Variants in MPZL1 observed in about 807,000 individuals in gnomAD.
MPZL1 encodes the protein myelin protein zero-like protein 1.
A neutral mutation model predicts 29.3 loss-of-function variants in MPZL1; 16 were observed. The ratio of observed to expected loss-of-function variants is 0.55; its 90% CI spans 0.37 to 0.83. The LOEUF (loss-of-function observed/expected upper bound fraction) is 0.83, where lower values mean the gene tolerates loss of function less well. MPZL1 is among the 40% of genes least tolerant of loss of function. The pLI is 0.00. For synonymous variants in MPZL1, 143 were observed against 132.0 expected (o/e 1.08, Z -0.57); for missense variants, 279 against 332.9 (o/e 0.84, Z 1.26).
intron 1 of MPZL1, among the ~76,000 whole-genome samples, chr1:167,748,579 C>T (rs1394374580): frequency 2.0e-5 from 3 of 152,086 alleles, no homozygotes; most frequent in Non-Finnish European, 2.9e-5. Context: ...TGGATGTCTT[C>T]TTGCTTTCTT....
chr1:167,727,440 C>CT (rs1558105997), intron 1 of MPZL1, among the ~76,000 whole-genome samples: 1 of 152,150 alleles, frequency 6.6e-6, no homozygotes, highest in Non-Finnish European at 1.5e-5. Flanking sequence ...ATCTTGCTCT[C>CT]TAAGACCACA....
At chr1:167,781,098 A>G (rs187380844) in intron 5 of MPZL1, among the ~76,000 whole-genome samples, 1 of 152,276 alleles carries the variant, frequency 6.6e-6, no homozygotes, top group Non-Finnish European at 1.5e-5. Flanking sequence ...AGAGCTTGAA[A>G]GTAAGTGAAG....
chr1:167,773,381 GT>G lies in MPZL1; in HGVS notation c.605+20del. On this transcript the variant is annotated intron_variant, in intron 4 of 5. Coordinates refer to ENST00000359523, the MANE Select transcript of MPZL1 (RefSeq NM_003953.6). Reference sequence around the variant, plus strand: ...GGGATTACACTGGGTAAGAAACACTGTTTTTTTAGGGCAGGGGTGGAGGGAG... The same window carrying G: ...GGGATTACACTGGGTAAGAAACACTGTTTTTTAGGGCAGGGGTGGAGGGAG... The G allele has an allele frequency of 2.5e-6, 4 of 1,608,002 alleles. No homozygotes were observed. Among genetic ancestry groups the G allele is most frequent in the East Asian group, 2.2e-5 (1 of 44,672 alleles).
Position 167,722,132 on chromosome 1 carries a change from G to A in MPZL1, c.-20G>A. On this transcript the variant is annotated 5_prime_UTR_variant, in exon 1 of 6. Transcript: ENST00000359523. The stretch of plus-strand genomic sequence containing the variant: ...GCTCAGGGACGCGGCGGCGGCGGCG[G>A]CGACTGCAGTGGCTGGACGATGGCA... The A allele has an allele frequency of 8.1e-7, 1 of 1,234,842 alleles. No individual in the cohort carries two copies. 76.5% of individuals were successfully genotyped at this position (1,234,842 alleles called of 1,614,324 possible). A position where few individuals can be genotyped will look rare whatever the true frequency, so the allele number is the denominator to read the frequency against.
rs769919304 is a variant in MPZL1 at position 167,791,680 on chromosome 1, G to C, written c.*3759G>C. The C allele has an allele frequency of 1.3e-5, 2 of 152,218 alleles. No individual in the cohort carries two copies. The highest frequency in any genetic ancestry group is 2.9e-5 in the Non-Finnish European group (2 of 68,046). 9.4% of individuals were successfully genotyped at this position (152,218 alleles called of 1,614,324 possible). A position where few individuals can be genotyped will look rare whatever the true frequency, so the allele number is the denominator to read the frequency against. ...TGCCCTGTGGCCTCTCACACCAAAA[G>C]GAAGTACCAAACTGCTTCCTTACTC... On this transcript the variant is annotated 3_prime_UTR_variant, in exon 6 of 6. Coordinates refer to ENST00000359523, the MANE Select transcript of MPZL1 (RefSeq NM_003953.6).
chr1:167,722,211 G>T lies in MPZL1; in HGVS notation c.60G>T (p.Leu20=). ...VIAAPDSRRW[L]WSVLAAALGL... ...CAGCCCCAGACAGCCGGCGCTGGCT[G>T]TGGTCGGTGCTGGCGGCGGCGCTTG... Residue 20 remains leucine (L), a synonymous_variant, in exon 1 of 6, where the codon CTG becomes CTT. Transcript: ENST00000359523. 40 of 1,239,506 alleles carry T rather than the reference G, an allele frequency of 3.2e-5. No homozygotes were observed. The highest frequency in any genetic ancestry group is 4.0e-5 in the Non-Finnish European group (40 of 987,978). The allele number at this position is 1,239,506 out of a possible 1,614,324, so 76.8% of individuals were successfully genotyped here. A position where few individuals can be genotyped will look rare whatever the true frequency, so the allele number is the denominator to read the frequency against.
In MPZL1 at chr1:167,787,853, G is replaced by A. The variant is rs528200726; in HGVS notation, c.742G>A (p.Gly248Ser). ...CATATATGCACAGTTAGACCACTCCGGCGGACATCACAGTGACAAGATTAA... is the reference window on the plus strand; with the variant it reads ...CATATATGCACAGTTAGACCACTCCAGCGGACATCACAGTGACAAGATTAA... ...PVIYAQLDHSGGHHSDKINKS... is the reference protein window; with the variant it reads ...PVIYAQLDHSSGHHSDKINKS... Residue 248 changes from glycine (G) to serine (S), a missense_variant, in exon 6 of 6, where the codon GGC becomes AGC. Physicochemically the swap from Gly to Ser is moderately conservative, Grantham distance 56 (BLOSUM62 0). Transcript: ENST00000359523. 2.2e-5 allele frequency: 36 copies of A among 1,613,904 alleles called. No individual in the cohort carries two copies. The East Asian group carries it at 2.7e-4, about 12-fold the overall frequency.
chr1:167,783,319 T>G (rs1661530711), intron 5 of MPZL1, among the ~76,000 whole-genome samples: 1 of 152,206 alleles, frequency 6.6e-6, no homozygotes, highest in Non-Finnish European at 1.5e-5. Context: ...GTTAAGGCAC[T>G]GTGGAAAAAA....
intron 5 of MPZL1, among the ~76,000 whole-genome samples, chr1:167,777,082 G>A (rs1031501733): frequency 2.0e-5 from 3 of 152,190 alleles, no homozygotes; most frequent in African/African-American, 7.2e-5. Context: ...CTCTACCACA[G>A]CATCAGGCTC....
At chr1:167,736,490 T>G (rs1397390272) in intron 1 of MPZL1, among the ~76,000 whole-genome samples, 3 of 152,106 alleles carry the variant, frequency 2.0e-5, no homozygotes, top group African/African-American at 7.2e-5. Flanking sequence ...ATATCTCTCC[T>G]CCTCAAACTG....
At chr1:167,731,992 G>A (rs895276769) in intron 1 of MPZL1, among the ~76,000 whole-genome samples, 2 of 152,160 alleles carry the variant, frequency 1.3e-5, no homozygotes, top group Non-Finnish European at 2.9e-5. Flanking sequence ...TCAACCTGAA[G>A]TAGTAAGATA....
chr1:167,722,317 C>G (rs1660048648), intron 1 of MPZL1, 75 bp downstream of exon 1: 1 of 1,229,796 alleles, frequency 8.1e-7, no homozygotes, highest in Non-Finnish European at 1.0e-6. Context: ...TCGCGGCGGT[C>G]GCAGGCCAGG....
At chr1:167,739,006 A>G (rs12128740) in intron 1 of MPZL1, among the ~76,000 whole-genome samples, 24,381 of 151,742 alleles carry the variant, frequency 0.16, 2,064 homozygotes, top group East Asian at 0.2. Context: ...ACAGTGGCTC[A>G]ATCTTGGCTC....
intron 1 of MPZL1, among the ~76,000 whole-genome samples, chr1:167,751,095 G>A (rs1291471375): frequency 2.6e-5 from 4 of 152,236 alleles, no homozygotes; most frequent in African/African-American, 9.6e-5. Context: ...TTGATCCTTG[G>A]TTAAGGTGTT....
In MPZL1 at chr1:167,791,882, C is replaced by T. The variant is rs1408442923; in HGVS notation, c.*3961C>T. ...ACTTAATTTGTTGAGAACTATGTTA[C>T]AAATAATGTGTTACTAATAAAACAT... On this transcript the variant is annotated 3_prime_UTR_variant, in exon 6 of 6. Coordinates refer to ENST00000359523, the MANE Select transcript of MPZL1 (RefSeq NM_003953.6). 1 of 152,180 alleles carries T rather than the reference C, an allele frequency of 6.6e-6. No individual in the cohort carries two copies. Among genetic ancestry groups the T allele is most frequent in the Admixed American group, 6.5e-5 (1 of 15,274 alleles). 9.4% of individuals were successfully genotyped at this position (152,180 alleles called of 1,614,324 possible). A position where few individuals can be genotyped will look rare whatever the true frequency, so the allele number is the denominator to read the frequency against.
intron 1 of MPZL1, among the ~76,000 whole-genome samples, chr1:167,733,606 G>T (rs111575144): frequency 1.3e-5 from 2 of 152,048 alleles, no homozygotes; most frequent in East Asian, 3.9e-4. Flanking sequence ...TTAGCTGGGC[G>T]TGATGATGCG....
intron 1 of MPZL1, among the ~76,000 whole-genome samples, chr1:167,764,373 A>G (rs1661064214): frequency 6.6e-6 from 1 of 152,234 alleles, no homozygotes; most frequent in East Asian, 1.9e-4. Context: ...ACACATTTCA[A>G]TTACTATTTC....
At position 167,722,227 on chromosome 1, in the gene MPZL1, G is replaced by T. The variant is rs1660044313; in HGVS notation, c.76G>T (p.Ala26Ser). 4.0e-6 allele frequency: 5 copies of T among 1,239,580 alleles called. No homozygotes were observed. The highest frequency in any genetic ancestry group is 4.0e-6 in the Non-Finnish European group (4 of 988,048). The allele number at this position is 1,239,580 out of a possible 1,614,324, so 76.8% of individuals were successfully genotyped here. ...GCGCTGGCTGTGGTCGGTGCTGGCG[G>T]CGGCGCTTGGGCTCTGTAAGTGATG... ...SRRWLWSVLA[A>S]ALGLLTAGVS... The change falls in exon 1 of 6, where the codon GCG becomes TCG. Residue 26 changes from alanine to serine, a missense_variant. Ala to Ser is a moderately conservative substitution (Grantham distance 99, BLOSUM62 1). Coordinates refer to ENST00000359523, the MANE Select transcript of MPZL1 (RefSeq NM_003953.6).
intron 1 of MPZL1, among the ~76,000 whole-genome samples, chr1:167,741,760 C>T (rs1660532389): frequency 6.6e-6 from 1 of 152,110 alleles, no homozygotes; most frequent in African/African-American, 2.4e-5. Flanking sequence ...TGGCTGGGCA[C>T]TGTGGCTCAT....
Sources: allele counts gnomAD v4.1 joint callset (sites outside exome capture counted in the v4.1 genomes callset), GRCh38; gene constraint gnomAD v4.1.1; transcripts MANE v1.5; gene names NCBI Gene and HGNC (gene_info 2026-07-23, HGNC 2026-07-21).